Variants in ERAP1 observed in about 807,000 individuals in gnomAD.
ERAP1 encodes endoplasmic reticulum aminopeptidase 1.
ERAP1 carries 86 observed loss-of-function variants against 103.7 expected under a neutral mutation model. The observed-to-expected ratio is 0.83, with a 90% confidence interval of 0.70 to 0.99. The LOEUF is 0.99. Ranked by LOEUF, ERAP1 falls within the 50% of genes least tolerant of loss-of-function variation. ERAP1 has a pLI of 0.00. For synonymous variants in ERAP1, 398 were observed against 402.4 expected, an observed-to-expected ratio of 0.99 and a Z score of 0.13; for missense variants, 1,009 against 1,128.4, an observed-to-expected ratio of 0.89 and a Z score of 1.52.
intron 4 of ERAP1, 34 bp from the exon 5 acceptor site, chr5:96,795,196 T>C (rs995096238): frequency 2.5e-6 from 4 of 1,610,710 alleles, no homozygotes; most frequent in Non-Finnish European, 3.4e-6. Flanking sequence ...AATTCAAATA[T>C]CTTAACTGGC....
the ERAP1 span, chr5:96,902,216 T>C: frequency 8.5e-7 from 1 of 1,179,794 alleles, no homozygotes; most frequent in Non-Finnish European, 1.3e-6. Flanking sequence ...AGTCTGACAA[T>C]GTGAAAAATC....
At chr5:96,784,176 A>T (rs1775656370) in intron 13 of ERAP1, 96 bp from the exon 14 acceptor site, 1 of 1,317,046 alleles carries the variant, frequency 7.6e-7, no homozygotes, top group South Asian at 1.2e-5. Flanking sequence ...CAAAACAAGC[A>T]ATCAGATATA....
At chr5:96,767,881 G>T in intron 19 of ERAP1, 1 of 1,496,710 alleles carries the variant, frequency 6.7e-7, no homozygotes. Flanking sequence ...CTTCTTCACT[G>T]ATGGTTATTT....
intron 7 of ERAP1, among the ~76,000 whole-genome samples, chr5:96,792,507 A>T (rs1776841889): frequency 6.6e-6 from 1 of 152,234 alleles, no homozygotes. Flanking sequence ...AATTAACTGT[A>T]TAGTAATTTC....
At chr5:96,857,069 C>A in the ERAP1 span, among the ~76,000 whole-genome samples, 4 of 152,206 alleles carry the variant, frequency 2.6e-5, no homozygotes, top group East Asian at 7.7e-4. Context: ...GCTGTTCCCC[C>A]AGATGTCTCC....
chr5:96,884,017 C>T, the ERAP1 span: 4 of 1,292,910 alleles, frequency 3.1e-6, no homozygotes, highest in Non-Finnish European at 4.2e-6. Flanking sequence ...TTCAGGATTT[C>T]AGCCATTAAT....
chr5:96,934,317 A>G, the ERAP1 span: 5 of 152,270 alleles, frequency 3.3e-5, no homozygotes, highest in Non-Finnish European at 7.3e-5. Context: ...TGGTCAGACA[A>G]GGGTTCTTTG....
At chr5:96,910,640 C>T in the ERAP1 span, among the ~76,000 whole-genome samples, 1 of 152,130 alleles carries the variant, frequency 6.6e-6, no homozygotes, top group Non-Finnish European at 1.5e-5. Flanking sequence ...AACCTACCTA[C>T]AGTAGATATA....
At chr5:96,884,237 G>A in the ERAP1 span, among the ~76,000 whole-genome samples, 1 of 152,134 alleles carries the variant, frequency 6.6e-6, no homozygotes, top group Non-Finnish European at 1.5e-5. Context: ...ATGAAATTCA[G>A]AATTTCCTAG....
chr5:96,859,526 A>C, the ERAP1 span, among the ~76,000 whole-genome samples: 1 of 151,912 alleles, frequency 6.6e-6, no homozygotes, highest in African/African-American at 2.4e-5. Context: ...AATTGGGGCA[A>C]TCTGAGCCTC....
chr5:96,816,901 C>T, the ERAP1 span, among the ~76,000 whole-genome samples: 1 of 152,172 alleles, frequency 6.6e-6, no homozygotes, highest in Non-Finnish European at 1.5e-5. Context: ...TGAGATAAGA[C>T]CCCGGACCTC....
the ERAP1 span, chr5:96,903,530 G>T: frequency 1.0e-3 from 1,641 of 1,608,824 alleles, 15 homozygotes; most frequent in African/African-American, 0.019. Context: ...GACAGAGTAG[G>T]TCTGATTCAT....
chr5:96,875,220 T>C, the ERAP1 span, among the ~76,000 whole-genome samples: 3 of 151,906 alleles, frequency 2.0e-5, no homozygotes, highest in East Asian at 5.8e-4. Context: ...TTTTTCTTAG[T>C]TGGATAGAAA....
chr5:96,792,865 T>A (rs759312857), intron 7 of ERAP1, among the ~76,000 whole-genome samples: 18 of 152,118 alleles, frequency 1.2e-4, no homozygotes, highest in Non-Finnish European at 1.9e-4. Flanking sequence ...GATAAAAAAA[T>A]TTTTACATAA....
chr5:96,768,784 G>A (rs948652013), intron 19 of ERAP1, among the ~76,000 whole-genome samples: 2 of 152,190 alleles, frequency 1.3e-5, no homozygotes, highest in Non-Finnish European at 1.5e-5. Flanking sequence ...TCAGGGCACA[G>A]CTCAAGCATC....
chr5:96,881,330 A>G, the ERAP1 span: 1 of 441,950 alleles, frequency 2.3e-6, no homozygotes, highest in South Asian at 1.6e-5. Flanking sequence ...GTGCTTATGG[A>G]GTGAAACAAT....
At chr5:96,913,480 TG>T in the ERAP1 span, 1 of 1,612,960 alleles carries the variant, frequency 6.2e-7, no homozygotes, top group Non-Finnish European at 8.5e-7. Context: ...TTTCATCCAA[TG>T]TTTGTTCTTC....
chr5:96,905,486 C>G, the ERAP1 span, among the ~76,000 whole-genome samples: 1 of 152,040 alleles, frequency 6.6e-6, no homozygotes, highest in Non-Finnish European at 1.5e-5. Context: ...TATAAGAAAA[C>G]AATTTAAAGC....
At chr5:96,863,186 C>T in the ERAP1 span, among the ~76,000 whole-genome samples, 1 of 152,052 alleles carries the variant, frequency 6.6e-6, no homozygotes, top group Non-Finnish European at 1.5e-5. Context: ...CCTCCTCAGG[C>T]TCCTCTCCAT....
Sources: gnomAD v4.1 joint callset for allele counts (sites outside exome capture counted in the v4.1 genomes callset) on GRCh38, gnomAD v4.1.1 for gene constraint, MANE v1.5 for transcripts, NCBI Gene and HGNC (gene_info 2026-07-23, HGNC 2026-07-21) for gene names.